ARHGEF10: variants seen among roughly 807,000 people sequenced by gnomAD.
ARHGEF10 encodes the protein Rho guanine nucleotide exchange factor (GEF) 10.
ARHGEF10 carries 140 observed loss-of-function variants against 147.4 expected under a neutral mutation model. The ratio of observed to expected loss-of-function variants is 0.95; its 90% confidence interval spans 0.83 to 1.09. The LOEUF (loss-of-function observed/expected upper bound fraction) is 1.09. ARHGEF10 is among the 50% of genes least tolerant of loss of function. The probability of loss-of-function intolerance (pLI) is 0.00; values close to 1 mark genes in which losing one functional copy is unlikely to be tolerated. For missense variants in ARHGEF10, 2,222 were observed against 1,752.7 expected (o/e 1.27, Z -4.78); for synonymous variants, 902 against 695.8 (o/e 1.30, Z -4.67).
At chr8:1,900,066 A>G (rs1314437532) in intron 15 of ARHGEF10, among the ~76,000 whole-genome samples, 2 of 152,236 alleles carry the variant, frequency 1.3e-5, no homozygotes, top group South Asian at 2.1e-4. Context: ...TTGGCTTTCT[A>G]TGATTTATCA....
intron 10 of ARHGEF10, 130 bp downstream of exon 10, chr8:1,882,879 A>C: frequency 1.2e-6 from 1 of 839,156 alleles, no homozygotes. Flanking sequence ...CAGCCTGCTC[A>C]GTGCTTGGGT....
chr8:1,914,202 A>G (rs1811584986), intron 18 of ARHGEF10, among the ~76,000 whole-genome samples: 1 of 152,252 alleles, frequency 6.6e-6, no homozygotes, highest in African/African-American at 2.4e-5. Flanking sequence ...CCTGAAGTAG[A>G]AGGCAGCAGG....
chr8:1,824,613 C>T (rs1441320563), intron 1 of ARHGEF10, among the ~76,000 whole-genome samples: 4 of 128,602 alleles, frequency 3.1e-5, no homozygotes, highest in African/African-American at 8.9e-5. Context: ...TCAGCACCCC[C>T]TGTTCACTCT....
At chr8:1,923,216 C>T (rs1257441988) in intron 19 of ARHGEF10, 137 bp downstream of exon 19, 6 of 876,396 alleles carry the variant, frequency 6.8e-6, no homozygotes, top group Non-Finnish European at 1.1e-5. Flanking sequence ...TACATTTTCT[C>T]TTACGTTAGA....
chr8:1,887,163 G>A (rs1165547977), intron 11 of ARHGEF10, among the ~76,000 whole-genome samples: 1 of 152,196 alleles, frequency 6.6e-6, no homozygotes, highest in African/African-American at 2.4e-5. Context: ...AGAGGAACTT[G>A]GATCCTGCAC....
upstream of ARHGEF10, chr8:1,823,925 G>C (rs968018761): frequency 6.0e-4 from 91 of 151,722 alleles, no homozygotes; most frequent in African/African-American, 2.1e-3. Flanking sequence ...GTCCGGGCGG[G>C]AGGGGCTGGG....
chr8:1,866,436 C>T (rs914729467), intron 5 of ARHGEF10, 90 bp from the exon 6 acceptor site: 2 of 998,996 alleles, frequency 2.0e-6, no homozygotes, highest in Non-Finnish European at 1.6e-6. Context: ...CACACACACA[C>T]ACACACACAC....
intron 18 of ARHGEF10, among the ~76,000 whole-genome samples, chr8:1,921,882 C>T (rs895833133): frequency 6.6e-6 from 1 of 152,204 alleles, no homozygotes; most frequent in Non-Finnish European, 1.5e-5. Context: ...AGGCACTTTA[C>T]TCAACTTAAA....
At chr8:1,836,501 T>C (rs775718709) in intron 1 of ARHGEF10, among the ~76,000 whole-genome samples, 6 of 152,132 alleles carry the variant, frequency 3.9e-5, no homozygotes, top group Non-Finnish European at 7.4e-5. Context: ...GGTGGAAGAC[T>C]GCACACAGAA....
Position 1,879,962 on chromosome 8 carries a change from G to A in ARHGEF10, c.844-86G>A, listed in dbSNP as rs879547046. 127 of 954,358 alleles carry A rather than the reference G, an allele frequency of 1.3e-4. No individual in the cohort carries two copies. The Admixed American group carries it at 1.9e-3, about 14-fold the overall frequency. The allele number at this position is 954,358 out of a possible 1,614,324, so 59.1% of individuals were successfully genotyped here. A position where few individuals can be genotyped will look rare whatever the true frequency, so the allele number is the denominator to read the frequency against. On this transcript the variant is annotated intron_variant, in intron 8 of 28. Coordinates refer to ENST00000349830, the MANE Select transcript of ARHGEF10 (RefSeq NM_014629.4). The stretch of plus-strand genomic sequence containing the variant: ...ACAGGCCTGATGTGCCACTGCAGAC[G>A]CTGCCAGCATCCTCTCAATGTAAAA...
In ARHGEF10 at chr8:1,880,046, A is replaced by C. The variant is rs747754808; in HGVS notation, c.844-2A>C. The C allele has an allele frequency of 1.2e-6, 2 of 1,600,702 alleles. No individual in the cohort carries two copies. Among genetic ancestry groups the C allele is most frequent in the South Asian group, 2.2e-5 (2 of 90,824 alleles). Reference sequence around the variant, plus strand: ...AAAAGACTGTGTCTCTTTATGCTGTAGCTTTCTCATGACCTAACCCGTTTA... The same window carrying C: ...AAAAGACTGTGTCTCTTTATGCTGTCGCTTTCTCATGACCTAACCCGTTTA... On this transcript the variant is annotated splice_acceptor_variant, in intron 8 of 28. Transcript: ENST00000349830. LOFTEE classifies it high-confidence loss of function.
intron 26 of ARHGEF10, among the ~76,000 whole-genome samples, chr8:1,944,089 C>T (rs13254694): frequency 1.8e-5 from 2 of 111,376 alleles, no homozygotes; most frequent in Non-Finnish European, 3.7e-5. Context: ...TCACCTCCCT[C>T]GGGACCCCAG....
chr8:1,940,396 A>G (rs1286405403), intron 26 of ARHGEF10, among the ~76,000 whole-genome samples: 3 of 152,230 alleles, frequency 2.0e-5, no homozygotes, highest in Admixed American at 2.0e-4. Context: ...CAGACTCTAG[A>G]GTGGCACAAA....
intron 18 of ARHGEF10, among the ~76,000 whole-genome samples, chr8:1,916,864 T>C (rs1811798110): frequency 6.6e-6 from 1 of 152,244 alleles, no homozygotes; most frequent in African/African-American, 2.4e-5. Context: ...CTGGAGACTG[T>C]ATTAACACAT....
intron 3 of ARHGEF10, chr8:1,858,924 TAGCACCCACCTCTTGGCTTGTACCGTG>T: frequency 9.3e-6 from 1 of 107,662 alleles, no homozygotes; most frequent in South Asian, 2.1e-4. Context: ...TCTTTGTGCA[TAGCACCCACCTCTTGGCTTGTACCGTG>T]TTTCTTTGTG....
chr8:1,909,493 T>G, intron 18 of ARHGEF10, 23 bp downstream of exon 18: 2 of 1,613,176 alleles, frequency 1.2e-6, no homozygotes, highest in East Asian at 4.5e-5. Flanking sequence ...TTCTCTCACG[T>G]TCGTGCCGTG....
intron 26 of ARHGEF10, among the ~76,000 whole-genome samples, chr8:1,943,201 G>T (rs1032848903): frequency 6.6e-6 from 1 of 152,202 alleles, no homozygotes; most frequent in Non-Finnish European, 1.5e-5. Flanking sequence ...CCGGAAAGGG[G>T]CACAGGCTTT....
intron 23 of ARHGEF10, 101 bp from the exon 24 acceptor site, chr8:1,928,326 G>T: frequency 9.4e-7 from 1 of 1,066,486 alleles, no homozygotes; most frequent in South Asian, 1.3e-5. Context: ...ATTCTCACAT[G>T]AAAATCGAAG....
Position 1,843,395 on chromosome 8 carries a change from G to T in ARHGEF10, c.-5G>T. On this transcript the variant is annotated 5_prime_UTR_variant, in exon 2 of 29. Transcript: ENST00000349830. ...AGAGCTGAGAGAGGCATCTGGAGCTGCAGCATGGACCAGCGAGAGCCCCTG... is the reference window on the plus strand; with the variant it reads ...AGAGCTGAGAGAGGCATCTGGAGCTTCAGCATGGACCAGCGAGAGCCCCTG... 1.2e-6 allele frequency: 2 copies of T among 1,613,194 alleles called. No homozygotes were observed. The highest frequency in any genetic ancestry group is 1.7e-6 in the Non-Finnish European group (2 of 1,179,992).
Sources: allele counts gnomAD v4.1 joint callset (sites outside exome capture counted in the v4.1 genomes callset), GRCh38; gene constraint gnomAD v4.1.1; transcripts MANE v1.5; gene names NCBI Gene and HGNC (gene_info 2026-07-23, HGNC 2026-07-21).